The following SLC22A4 variants were observed in gnomAD, a reference collection of about 807,000 sequenced individuals.
The protein encoded by SLC22A4 is solute carrier family 22 member 4, also known as ET transporter.
A neutral mutation model predicts 56.6 loss-of-function variants in SLC22A4; 39 were observed. That is an observed-to-expected ratio of 0.69 (90% CI 0.53 to 0.90). The LOEUF is 0.90. SLC22A4 is among the 40% of genes least tolerant of loss of function. SLC22A4 has a pLI of 0.00. For synonymous variants in SLC22A4, 241 were observed against 281.4 expected (o/e 0.86, Z 1.44); for missense variants, 594 against 696.5 (o/e 0.85, Z 1.66).
At chr5:132,302,596 C>T (rs1580820069) in intron 1 of SLC22A4, among the ~76,000 whole-genome samples, 1 of 152,194 alleles carries the variant, frequency 6.6e-6, no homozygotes, top group African/African-American at 2.4e-5. Context: ...AGGCTGGTGG[C>T]TCCTGCTCAG....
chr5:132,324,242 A>G (rs895026454), intron 4 of SLC22A4, among the ~76,000 whole-genome samples: 2 of 14,380 alleles, frequency 1.4e-4, no homozygotes, highest in African/African-American at 1.3e-3. Flanking sequence ...TCAGAGAGAA[A>G]GAGAGAGAGA....
rs1226846296 is a variant in SLC22A4, at chr5:132,341,934, G to A, written c.1580+1234G>A. On this transcript the variant is annotated intron_variant, in intron 9 of 9. Coordinates refer to ENST00000200652, the MANE Select transcript of SLC22A4 (RefSeq NM_003059.3). ...TACACTCCAGTCTGCGTGACAGAGC[G>A]AGACTCCGTCTCCAAAAAAAAAACA... Among the ~76,000 whole-genome samples, 4 of 151,526 alleles carry A rather than the reference G, an allele frequency of 2.6e-5. No homozygotes were observed. The East Asian group carries it at 8.0e-4, about 30-fold the overall frequency.
At chr5:132,337,392 A>C (rs1234920744) in intron 8 of SLC22A4, among the ~76,000 whole-genome samples, 2 of 146,242 alleles carry the variant, frequency 1.4e-5, no homozygotes, top group East Asian at 4.0e-4. Context: ...CCCACCTCAG[A>C]CTCCCAACTA....
chr5:132,343,860 A>G lies in SLC22A4; in HGVS notation c.*25A>G, dbSNP rs1751290299. 1 of 1,439,370 alleles carries G rather than the reference A, an allele frequency of 6.9e-7. No individual in the cohort carries two copies. The highest frequency in any genetic ancestry group is 9.7e-7 in the Non-Finnish European group (1 of 1,026,376). 89.2% of individuals were successfully genotyped at this position (1,439,370 alleles called of 1,614,324 possible). On this transcript the variant is annotated 3_prime_UTR_variant, in exon 10 of 10. Coordinates refer to ENST00000200652, the MANE Select transcript of SLC22A4 (RefSeq NM_003059.3). ...AAAAAATATCTACCCCATTTGGTGA[A>G]GTGAAAAACAGAAAAATAAGACCCT...
chr5:132,296,035 A>C (rs552688815), intron 1 of SLC22A4, among the ~76,000 whole-genome samples: 5 of 152,358 alleles, frequency 3.3e-5, no homozygotes, highest in African/African-American at 1.2e-4. Flanking sequence ...GTTACTGAGA[A>C]GGCTAACATT....
intron 8 of SLC22A4, among the ~76,000 whole-genome samples, chr5:132,339,473 C>T (rs1013764518): frequency 5.1e-4 from 58 of 114,330 alleles, no homozygotes; most frequent in African/African-American, 9.9e-4. Context: ...CTGGTACACA[C>T]GTACACACAC....
chr5:132,340,870 C>T (rs1421024973), intron 9 of SLC22A4, among the ~76,000 whole-genome samples, 170 bp downstream of exon 9: 2 of 152,208 alleles, frequency 1.3e-5, no homozygotes, highest in African/African-American at 2.4e-5. Flanking sequence ...AATCCCAGCA[C>T]TTTGGGAGGC....
chr5:132,312,268 A>G lies in SLC22A4; in HGVS notation c.497+4A>G. On this transcript the variant is annotated splice_donor_region_variant and intron_variant, in intron 2 of 9. Coordinates refer to ENST00000200652, the MANE Select transcript of SLC22A4 (RefSeq NM_003059.3). ...TGTCCGGGCAGCTGTCAGACAGGTAAGCACATGGGAGGGGAGGAAGGTGGG... is the reference window on the plus strand; with the variant it reads ...TGTCCGGGCAGCTGTCAGACAGGTAGGCACATGGGAGGGGAGGAAGGTGGG... The G allele has an allele frequency of 2.5e-6, 4 of 1,577,560 alleles. No homozygotes were observed. Among genetic ancestry groups the G allele is most frequent in the Non-Finnish European group, 3.5e-6 (4 of 1,146,726 alleles).
chr5:132,330,245 A>G (rs1472807604), intron 5 of SLC22A4, among the ~76,000 whole-genome samples: 1 of 152,176 alleles, frequency 6.6e-6, no homozygotes, highest in Admixed American at 6.5e-5. Context: ...CTTCTTCATA[A>G]TAAAAACTCC....
At position 132,294,751 on chromosome 5, in the gene SLC22A4, C is replaced by T. The variant is rs1438023360; in HGVS notation, c.135C>T (p.Thr45=). ...NGMSVVFLAG[T]PEHRCRVPDA... is the part of the protein sequence containing the mutation. ...TGTCAGTCGTGTTCCTGGCGGGGAC[C>T]CCGGAGCACCGCTGTCGAGTGCCGG... The change falls in exon 1 of 10, where the codon ACC becomes ACT. Residue 45 remains threonine, a synonymous_variant. Coordinates refer to ENST00000200652, the MANE Select transcript of SLC22A4 (RefSeq NM_003059.3). The surrounding 1 kb of genome is among the most constrained non-coding windows in gnomAD (Gnocchi z 5.6). 6.2e-7 allele frequency: 1 copy of T among 1,613,872 alleles called. No homozygotes were observed. The highest frequency in any genetic ancestry group is 1.1e-5 in the South Asian group (1 of 91,082).
intron 1 of SLC22A4, among the ~76,000 whole-genome samples, chr5:132,303,478 G>T (rs910183364): frequency 6.6e-6 from 1 of 151,952 alleles, no homozygotes; most frequent in African/African-American, 2.4e-5. Context: ...ACTCTAGGTG[G>T]GTATGGCCAA....
At chr5:132,335,705 T>C (rs559671645) in intron 7 of SLC22A4, 113 bp from the exon 8 acceptor site, 10 of 888,484 alleles carry the variant, frequency 1.1e-5, no homozygotes, top group African/African-American at 3.3e-5. Context: ...TTTGGGAATA[T>C]ATTTATGTTA....
intron 8 of SLC22A4, among the ~76,000 whole-genome samples, chr5:132,340,297 C>T (rs1052633191): frequency 1.3e-5 from 2 of 152,074 alleles, no homozygotes; most frequent in African/African-American, 2.4e-5. Flanking sequence ...ACCAAAGGAA[C>T]ATCTGTCACA....
At chr5:132,307,338 A>T (rs888560466) in intron 1 of SLC22A4, among the ~76,000 whole-genome samples, 3 of 152,240 alleles carry the variant, frequency 2.0e-5, no homozygotes, top group Non-Finnish European at 4.4e-5. Context: ...TCAATCTTTT[A>T]TTCTTAAAAG....
rs1487277476 is a variant in SLC22A4 at position 132,294,981 on chromosome 5, A to T, written c.365A>T (p.Asp122Val). The change falls in exon 1 of 10, where the codon GAC becomes GTC. Residue 122 changes from aspartate (D) to valine (V), a missense_variant. Transcript: ENST00000200652. This position sits in a 1 kb window ranked among gnomAD's most constrained non-coding sequence, Gnocchi z 5.6. The stretch of plus-strand genomic sequence containing the variant: ...CTGGATGGCTGGGAGTTCAGCCAGG[A>T]CGTCTACCTGTCCACCGTCGTGACC... ...SCLDGWEFSQ[D>V]VYLSTVVTEW... is the part of the protein sequence containing the mutation. 6.2e-7 allele frequency: 1 copy of T among 1,607,574 alleles called. No homozygotes were observed.
intron 4 of SLC22A4, 33 bp from the exon 5 acceptor site, chr5:132,327,244 G>A (rs529946584): frequency 1.3e-6 from 2 of 1,484,574 alleles, no homozygotes. Context: ...CTGCTGTTGT[G>A]AAAAATTATT....
At chr5:132,336,373 A>G (rs949300728) in intron 8 of SLC22A4, among the ~76,000 whole-genome samples, 2 of 152,086 alleles carry the variant, frequency 1.3e-5, no homozygotes, top group African/African-American at 2.4e-5. Flanking sequence ...AAAATAAAAA[A>G]ATTAGCCAGG....
rs77300380 is a variant in SLC22A4, at chr5:132,314,276, G to A, written c.652+508G>A. ...TCACCCTGAGTTAGAGCCCACCCCA[G>A]AGCCTATCAGCTAAGCACAGGACAA... On this transcript the variant is annotated intron_variant, in intron 3 of 9. Transcript: ENST00000200652. Among the ~76,000 whole-genome samples the A allele has an allele frequency of 9.5e-3, 1,444 of 152,228 alleles. 8 individuals carry two copies. Among genetic ancestry groups the A allele is most frequent in the East Asian group, 0.02 (105 of 5,166 alleles).
At chr5:132,308,217 G>A (rs1750086124) in intron 1 of SLC22A4, among the ~76,000 whole-genome samples, 1 of 152,112 alleles carries the variant, frequency 6.6e-6, no homozygotes, top group South Asian at 2.1e-4. Flanking sequence ...ACCCAGGGCT[G>A]CTGGCCTCAT....
Sources: allele counts gnomAD v4.1 joint callset (sites outside exome capture counted in the v4.1 genomes callset), GRCh38; gene constraint gnomAD v4.1.1; non-coding constraint Gnocchi (gnomAD v3.1); transcripts MANE v1.5; gene names NCBI Gene and HGNC (gene_info 2026-07-23, HGNC 2026-07-21).